Variants in SERGEF observed in about 807,000 individuals in gnomAD.
The protein encoded by SERGEF is secretion regulating guanine nucleotide exchange factor, also known as secretion-regulating guanine nucleotide exchange factor.
Under a neutral mutation model 50.0 loss-of-function variants are expected in SERGEF, and 51 were observed. That is an observed-to-expected ratio of 1.02 (90% CI 0.81 to 1.29). The LOEUF is 1.29. Among genes scored for constraint, SERGEF ranks in the 50% most tolerant of loss-of-function variants. The pLI is 0.00. For synonymous variants in SERGEF, 205 were observed against 212.4 expected, an observed-to-expected ratio of 0.97 and a Z score of 0.30; for missense variants, 521 against 557.0, an observed-to-expected ratio of 0.94 and a Z score of 0.65.
chr11:17,892,726 G>T (rs1226154697), intron 9 of SERGEF, among the ~76,000 whole-genome samples: 1 of 152,294 alleles, frequency 6.6e-6, no homozygotes, highest in East Asian at 1.9e-4. Flanking sequence ...AGACTACCAG[G>T]AACTTGTGTG....
intron 9 of SERGEF, among the ~76,000 whole-genome samples, chr11:17,955,333 CTG>C (rs1852844340): frequency 1.3e-5 from 2 of 152,164 alleles, no homozygotes; most frequent in South Asian, 2.1e-4. Context: ...AGGGCAAAGA[CTG>C]TGTATTTTTC....
chr11:17,926,288 C>T (rs566078162), intron 9 of SERGEF, among the ~76,000 whole-genome samples: 2 of 151,940 alleles, frequency 1.3e-5, no homozygotes, highest in Non-Finnish European at 2.9e-5. Context: ...GGGAGAGGAG[C>T]CTCTGCCACC....
intron 10 of SERGEF, among the ~76,000 whole-genome samples, chr11:17,824,129 G>A (rs927140989): frequency 6.6e-6 from 1 of 152,034 alleles, no homozygotes; most frequent in African/African-American, 2.4e-5. Context: ...GTGAAACCCC[G>A]TCTCTACTAA....
chr11:17,982,820 T>C (rs995115400), intron 8 of SERGEF, among the ~76,000 whole-genome samples: 1 of 152,106 alleles, frequency 6.6e-6, no homozygotes, highest in Non-Finnish European at 1.5e-5. Context: ...ACAATTCCCC[T>C]CTTTAGGAAA....
At chr11:17,945,015 G>A (rs550323833) in intron 9 of SERGEF, among the ~76,000 whole-genome samples, 1 of 152,280 alleles carries the variant, frequency 6.6e-6, no homozygotes, top group South Asian at 2.1e-4. Context: ...AACTTAGGCT[G>A]GAAATCAGAA....
intron 10 of SERGEF, among the ~76,000 whole-genome samples, chr11:17,809,968 C>A (rs1278220747): frequency 1.3e-5 from 2 of 152,168 alleles, no homozygotes; most frequent in Non-Finnish European, 2.9e-5. Flanking sequence ...TTCTCCCACA[C>A]TGTGCCCTGC....
At chr11:17,803,594 A>C (rs908839134) in intron 10 of SERGEF, among the ~76,000 whole-genome samples, 1 of 152,196 alleles carries the variant, frequency 6.6e-6, no homozygotes, top group Non-Finnish European at 1.5e-5. Context: ...TAAAGTGCCC[A>C]GCACAGACTC....
At chr11:17,983,781 T>C (rs1853540869) in intron 8 of SERGEF, among the ~76,000 whole-genome samples, 1 of 147,194 alleles carries the variant, frequency 6.8e-6, no homozygotes, top group Non-Finnish European at 1.5e-5. Context: ...GTCAGCAATG[T>C]CAAGAGAAGT....
intron 9 of SERGEF, among the ~76,000 whole-genome samples, chr11:17,890,540 G>A (rs946714290): frequency 6.6e-6 from 1 of 152,100 alleles, no homozygotes; most frequent in Admixed American, 6.5e-5. Flanking sequence ...GAGGCTGTGA[G>A]CAGCAATCTC....
At chr11:17,892,286 G>C (rs1280414677) in intron 9 of SERGEF, among the ~76,000 whole-genome samples, 4 of 152,166 alleles carry the variant, frequency 2.6e-5, no homozygotes, top group Non-Finnish European at 5.9e-5. Flanking sequence ...CATGTGACTT[G>C]CTTGGGTAAC....
At chr11:17,866,192 T>C (rs541529256) in intron 10 of SERGEF, among the ~76,000 whole-genome samples, 5 of 152,352 alleles carry the variant, frequency 3.3e-5, no homozygotes, top group East Asian at 3.9e-4. Flanking sequence ...CAAGCTAGAC[T>C]TGAGTGCTAG....
At chr11:17,995,053 G>C (rs1853806799) in intron 6 of SERGEF, among the ~76,000 whole-genome samples, 1 of 152,112 alleles carries the variant, frequency 6.6e-6, no homozygotes, top group South Asian at 2.1e-4. Flanking sequence ...GAGACATGGT[G>C]CTGTATACAG....
At chr11:17,865,417 T>C (rs1851002925) in intron 10 of SERGEF, among the ~76,000 whole-genome samples, 1 of 152,160 alleles carries the variant, frequency 6.6e-6, no homozygotes, top group Non-Finnish European at 1.5e-5. Context: ...ACTGTAAAAA[T>C]ACCTCCTAAA....
At chr11:17,882,674 A>G (rs1452554165) in intron 9 of SERGEF, among the ~76,000 whole-genome samples, 1 of 152,142 alleles carries the variant, frequency 6.6e-6, no homozygotes, top group Non-Finnish European at 1.5e-5. Context: ...GGGGGTGAGG[A>G]GATGGCAGTA....
rs1851481118 is a variant in SERGEF, at chr11:17,888,765, TA to T, written c.1012-10522del. Among the ~76,000 whole-genome samples the T allele has an allele frequency of 6.6e-6, 1 of 152,132 alleles. No homozygotes were observed. Among genetic ancestry groups the T allele is most frequent in the Non-Finnish European group, 1.5e-5 (1 of 68,030 alleles). On this transcript the variant is annotated intron_variant, in intron 9 of 10. Coordinates refer to ENST00000265965, the MANE Select transcript of SERGEF (RefSeq NM_012139.4). This position sits in a 1 kb window ranked among gnomAD's most constrained non-coding sequence, Gnocchi z 4.1. ...TACTTGGTGCACAGACCCTGGCTTT[TA>T]AATACCATTCAACTAAGAGGGATCA... is the stretch of plus-strand genomic sequence containing the variant.
chr11:17,788,215 T>G lies in SERGEF; in HGVS notation c.1247A>C (p.Tyr416Ser), dbSNP rs149628273. The change falls in exon 11 of 11, where the codon TAC (tyrosine) becomes TCC (serine). Residue 416 changes from tyrosine (Y) to serine (S), a missense_variant. Physicochemically the swap from Tyr to Ser is moderately radical, Grantham distance 144. Coordinates refer to ENST00000265965, the MANE Select transcript of SERGEF (RefSeq NM_012139.4). ...GTCCTCGATGGCATCTGGGGAAAGG[T>G]AGGTGACCTTGGGGTCCTGGACCAA... ...PALVQDPKVT[Y>S]LSPDAIEDTE... is the part of the protein sequence containing the mutation. 1 of 1,611,694 alleles carries G rather than the reference T, an allele frequency of 6.2e-7. No homozygotes were observed. The highest frequency in any genetic ancestry group is 1.7e-5 in the Admixed American group (1 of 59,964).
chr11:17,822,055 C>T (rs962034640), intron 10 of SERGEF, among the ~76,000 whole-genome samples: 1 of 152,142 alleles, frequency 6.6e-6, no homozygotes, highest in African/African-American at 2.4e-5. Flanking sequence ...TAAACAGAAG[C>T]CATAGACAGA....
chr11:17,963,939 A>G (rs2133975337), intron 8 of SERGEF, among the ~76,000 whole-genome samples: 1 of 152,250 alleles, frequency 6.6e-6, no homozygotes, highest in Non-Finnish European at 1.5e-5. Context: ...ACAATAACAC[A>G]AGCCTAGGAT....
intron 10 of SERGEF, among the ~76,000 whole-genome samples, chr11:17,839,012 C>T (rs1478439120): frequency 1.3e-5 from 2 of 152,216 alleles, no homozygotes; most frequent in African/African-American, 4.8e-5. Context: ...GCCAAGAACC[C>T]TGCCCTACAG....
Sources: allele counts gnomAD v4.1 joint callset (sites outside exome capture counted in the v4.1 genomes callset), GRCh38; gene constraint gnomAD v4.1.1; non-coding constraint Gnocchi (gnomAD v3.1); transcripts MANE v1.5; gene names NCBI Gene and HGNC (gene_info 2026-07-23, HGNC 2026-07-21).